Variants in RBM47 observed in about 807,000 individuals in gnomAD.
RBM47 encodes the protein RNA-binding protein 47.
Under a neutral mutation model 47.1 loss-of-function variants are expected in RBM47, and 21 were observed. The observed-to-expected ratio is 0.45, with a 90% CI of 0.32 to 0.64. RBM47 has a LOEUF of 0.64. Ranked by LOEUF, RBM47 falls within the 30% of genes least tolerant of loss-of-function variation. The pLI is 0.05. For missense variants in RBM47, 708 were observed against 870.9 expected (o/e 0.81, Z 2.35); for synonymous variants, 375 against 361.7 (o/e 1.04, Z -0.42).
intron 3 of RBM47, among the ~76,000 whole-genome samples, chr4:40,450,097 C>T (rs278956): frequency 0.064 from 9,812 of 152,186 alleles, 789 homozygotes; most frequent in African/African-American, 0.18. Context: ...CCCGGGCCAA[C>T]GTTTTTCCAA....
chr4:40,477,553 A>G (rs1488855886), intron 2 of RBM47, among the ~76,000 whole-genome samples: 1 of 152,216 alleles, frequency 6.6e-6, no homozygotes, highest in Non-Finnish European at 1.5e-5. Flanking sequence ...TATATAAGAA[A>G]AAGTTCTGGC....
chr4:40,498,244 C>T (rs1722906229), intron 2 of RBM47, among the ~76,000 whole-genome samples: 1 of 151,610 alleles, frequency 6.6e-6, no homozygotes, highest in Admixed American at 6.6e-5. Context: ...CAAAGGTGAG[C>T]CTTCCAGTAA....
At chr4:40,540,111 C>T (rs1393692728) in intron 2 of RBM47, among the ~76,000 whole-genome samples, 2 of 152,078 alleles carry the variant, frequency 1.3e-5, no homozygotes, top group African/African-American at 2.4e-5. Context: ...CTCCTCTAAT[C>T]TTTCCTACAG....
intron 3 of RBM47, among the ~76,000 whole-genome samples, chr4:40,453,838 A>G (rs1053474951): frequency 6.7e-6 from 1 of 149,336 alleles, no homozygotes; most frequent in African/African-American, 2.5e-5. Flanking sequence ...TCAGAGGTCA[A>G]ATTTTTTTTT....
intron 3 of RBM47, among the ~76,000 whole-genome samples, chr4:40,453,296 G>A (rs1410100711): frequency 6.6e-6 from 1 of 152,180 alleles, no homozygotes; most frequent in Non-Finnish European, 1.5e-5. Context: ...AACAAACATT[G>A]ATTGAGTGCC....
rs771451464 is a variant in RBM47, at chr4:40,438,498, G to A, written c.396C>T (p.Asn132=). ...GGCGGCCCGGGCGGATCTCGTAGTT[G>A]TTGAGCTCACGCACTGCGCGCTTGG... The part of the protein sequence containing the change: ...HEAKRAVREL[N]NYEIRPGRLL... The change falls in exon 4 of 7, where the codon AAC becomes AAT. Residue 132 remains asparagine, a synonymous_variant. Transcript: ENST00000295971. The A allele has an allele frequency of 1.9e-6, 3 of 1,613,654 alleles. No homozygotes were observed. The East Asian group carries it at 6.7e-5, about 36-fold the overall frequency.
intron 1 of RBM47, among the ~76,000 whole-genome samples, chr4:40,551,519 T>G (rs184154637): frequency 6.6e-6 from 1 of 152,184 alleles, no homozygotes; most frequent in African/African-American, 2.4e-5. Context: ...ATCCTGCATT[T>G]TATTAACATT....
intron 2 of RBM47, among the ~76,000 whole-genome samples, chr4:40,525,671 A>G (rs1163551363): frequency 1.3e-5 from 2 of 152,258 alleles, no homozygotes; most frequent in East Asian, 3.9e-4. Context: ...AGGGGAAAAA[A>G]TGCAAAAACT....
chr4:40,518,158 C>CTTTTTTTTTTTTTTTTTTTTTTTTTTTTT (rs530465415), intron 2 of RBM47, among the ~76,000 whole-genome samples: 1 of 70,682 alleles, frequency 1.4e-5, no homozygotes, highest in Non-Finnish European at 2.5e-5. Flanking sequence ...CTTTTCTTTT[C>CTTTTTTTTTTTTTTTTTTTTTTTTTTTTT]TTTTTTTTTT....
At chr4:40,455,956 G>T (rs1261313781) in intron 3 of RBM47, among the ~76,000 whole-genome samples, 1 of 152,006 alleles carries the variant, frequency 6.6e-6, no homozygotes, top group Non-Finnish European at 1.5e-5. Flanking sequence ...AGAACCTGAG[G>T]GGATTCACTC....
chr4:40,456,575 T>C (rs1716293919), intron 3 of RBM47, among the ~76,000 whole-genome samples: 1 of 143,736 alleles, frequency 7.0e-6, no homozygotes, highest in Non-Finnish European at 1.5e-5. Flanking sequence ...TTTTTTCTTT[T>C]TTTTTTTTTT....
intron 1 of RBM47, among the ~76,000 whole-genome samples, chr4:40,592,430 T>C (rs1734237955): frequency 1.1e-5 from 1 of 90,092 alleles, no homozygotes; most frequent in Non-Finnish European, 2.6e-5. Context: ...TTTTTTCTTT[T>C]TTTTTTTTTT....
intron 1 of RBM47, among the ~76,000 whole-genome samples, chr4:40,608,028 G>C (rs927859956): frequency 6.6e-6 from 1 of 151,932 alleles, no homozygotes; most frequent in Non-Finnish European, 1.5e-5. Flanking sequence ...CTTAAACCAG[G>C]GAGGTGGAGG....
chr4:40,542,895 C>T (rs1728687014), intron 2 of RBM47: 1 of 152,118 alleles, frequency 6.6e-6, no homozygotes, highest in South Asian at 2.1e-4. Context: ...CCACTCATTA[C>T]TCTGTTAATG....
At chr4:40,602,741 T>C (rs1173453411) in intron 1 of RBM47, among the ~76,000 whole-genome samples, 2 of 152,146 alleles carry the variant, frequency 1.3e-5, no homozygotes, top group East Asian at 3.8e-4. Context: ...ATTCATTGTT[T>C]ATTTCTCTGT....
rs762170379 is a variant in RBM47, at chr4:40,437,757, G to A, written c.1123+14C>T. On this transcript the variant is annotated intron_variant, in intron 4 of 6. Transcript: ENST00000295971. ...TTCTTGGGGGCCCCACCCAGGAGAA[G>A]AGCCCCCACTAACCTTTCACAAAGT... 2 of 1,586,484 alleles carry A rather than the reference G, an allele frequency of 1.3e-6. No homozygotes were observed. The highest frequency in any genetic ancestry group is 2.2e-5 in the South Asian group (2 of 89,428).
At chr4:40,508,448 A>G (rs996428492) in intron 2 of RBM47, among the ~76,000 whole-genome samples, 29 of 152,360 alleles carry the variant, frequency 1.9e-4, no homozygotes, top group African/African-American at 6.3e-4. Context: ...TTCAGCTCAT[A>G]TAGTCATGTT....
intron 1 of RBM47, among the ~76,000 whole-genome samples, chr4:40,601,365 G>T (rs1416192735): frequency 1.3e-5 from 2 of 152,136 alleles, no homozygotes; most frequent in African/African-American, 4.8e-5. Flanking sequence ...TGTTGGAGAG[G>T]CATTTCTACA....
intron 1 of RBM47, among the ~76,000 whole-genome samples, chr4:40,576,357 T>C (rs761873255): frequency 1.2e-4 from 18 of 151,904 alleles, no homozygotes; most frequent in Non-Finnish European, 2.4e-4. Context: ...GGTCTTGCTA[T>C]GTCGCCCAGG....
Sources: allele counts gnomAD v4.1 joint callset (sites outside exome capture counted in the v4.1 genomes callset), GRCh38; gene constraint gnomAD v4.1.1; transcripts MANE v1.5; gene names NCBI Gene and HGNC (gene_info 2026-07-23, HGNC 2026-07-21).